NRXN3: variants seen among roughly 807,000 people sequenced by gnomAD.
NRXN3 encodes the protein neurexin 3.
NRXN3 carries 32 observed loss-of-function variants against 137.6 expected under a neutral mutation model. That is an observed-to-expected ratio of 0.23 (90% confidence interval 0.18 to 0.31). The LOEUF (loss-of-function observed/expected upper bound fraction) is 0.31. NRXN3 is among the 10% of genes least tolerant of loss of function. The pLI is 1.00. For synonymous variants in NRXN3, 798 were observed against 784.5 expected (o/e 1.02, Z -0.29); for missense variants, 1,574 against 2,062.5 (o/e 0.76, Z 4.59).
At chr14:78,442,384 A>C (rs1035597253) in intron 4 of NRXN3, among the ~76,000 whole-genome samples, 1 of 152,208 alleles carries the variant, frequency 6.6e-6, no homozygotes, top group Non-Finnish European at 1.5e-5. Context: ...CCACAGGCCA[A>C]GGAATTCTGG....
At chr14:79,084,430 G>T (rs1347868092) in intron 15 of NRXN3, among the ~76,000 whole-genome samples, 1 of 152,078 alleles carries the variant, frequency 6.6e-6, no homozygotes, top group East Asian at 1.9e-4. Context: ...TCTAACAAAA[G>T]GGATATTATT....
At chr14:79,678,761 A>G (rs937923522) in intron 17 of NRXN3, among the ~76,000 whole-genome samples, 1 of 152,178 alleles carries the variant, frequency 6.6e-6, no homozygotes, top group Non-Finnish European at 1.5e-5. Context: ...CAGCAATGGT[A>G]CATCAATAGA....
chr14:78,977,247 A>G (rs1034052141), intron 14 of NRXN3, among the ~76,000 whole-genome samples: 1 of 152,198 alleles, frequency 6.6e-6, no homozygotes, highest in Non-Finnish European at 1.5e-5. Flanking sequence ...ACCAGAGAGT[A>G]TCTGAGAGTG....
chr14:79,068,106 A>G (rs947097107), intron 15 of NRXN3, among the ~76,000 whole-genome samples: 2 of 152,026 alleles, frequency 1.3e-5, no homozygotes, highest in African/African-American at 4.8e-5. Flanking sequence ...ATATCTGTGG[A>G]TATCTGGAAG....
At chr14:79,471,775 C>T (rs79064989) in intron 16 of NRXN3, among the ~76,000 whole-genome samples, 4,579 of 152,142 alleles carry the variant, frequency 0.03, 226 homozygotes, top group African/African-American at 0.1. Flanking sequence ...GATTGAGTAA[C>T]TGGGGCAAAT....
intron 15 of NRXN3, among the ~76,000 whole-genome samples, chr14:79,187,556 A>T (rs17094100): frequency 0.036 from 5,433 of 152,320 alleles, 236 homozygotes; most frequent in East Asian, 0.21. Context: ...AAGGTAATAT[A>T]ATGCAATTTC....
chr14:78,370,120 G>A (rs2086588186), intron 4 of NRXN3, among the ~76,000 whole-genome samples: 1 of 152,016 alleles, frequency 6.6e-6, no homozygotes, highest in Non-Finnish European at 1.5e-5. Context: ...ACAATGCCAA[G>A]GCTGAGATCA....
chr14:78,586,221 C>G (rs1012668424), intron 4 of NRXN3, among the ~76,000 whole-genome samples: 1 of 152,150 alleles, frequency 6.6e-6, no homozygotes, highest in Non-Finnish European at 1.5e-5. Context: ...TACCATCTGG[C>G]TGTTTAGAGA....
In NRXN3 at chr14:79,688,955, T is replaced by A. The variant is rs1004849791; in HGVS notation, c.3617-3218T>A. ...TTTTTTTCTAAAACCCAGTCCCATA[T>A]AGGTGTCGGATCCACAGAAGTAATT... is the stretch of plus-strand genomic sequence containing the variant. On this transcript the variant is annotated intron_variant, in intron 17 of 20. Transcript: ENST00000335750. Among the ~76,000 whole-genome samples the A allele has an allele frequency of 2.0e-5, 3 of 152,144 alleles. No homozygotes were observed. The South Asian group carries it at 6.2e-4, about 32-fold the overall frequency.
intron 6 of NRXN3, among the ~76,000 whole-genome samples, chr14:78,672,639 A>G (rs913839301): frequency 6.6e-6 from 1 of 152,214 alleles, no homozygotes; most frequent in African/African-American, 2.4e-5. Flanking sequence ...ATTAATGGGA[A>G]TTGGTCACGC....
intron 15 of NRXN3, among the ~76,000 whole-genome samples, chr14:79,113,750 C>T (rs1313365015): frequency 6.6e-6 from 1 of 152,158 alleles, no homozygotes. Context: ...CTTTGACTTC[C>T]ATGCAACTTT....
intron 8 of NRXN3, among the ~76,000 whole-genome samples, chr14:78,726,849 G>T (rs184365011): frequency 1.3e-5 from 2 of 150,834 alleles, no homozygotes; most frequent in African/African-American, 2.4e-5. Context: ...TGTATAATAC[G>T]GTGGCATAAA....
rs1316535676 is a variant in NRXN3, at chr14:78,479,570, T to G, written c.758-165550T>G. 4.6e-5 allele frequency among the ~76,000 whole-genome samples: 7 copies of G among 152,358 alleles called. No homozygotes were observed. In the East Asian group the frequency reaches 1.2e-3, roughly 25 times the overall value. Reference sequence around the variant, plus strand: ...TGTCCCCAGAACATACTTATTAAAATGCAGATTCTGGGCACCTCCCTAAAC... The same window carrying G: ...TGTCCCCAGAACATACTTATTAAAAGGCAGATTCTGGGCACCTCCCTAAAC... On this transcript the variant is annotated intron_variant, in intron 4 of 20. Transcript: ENST00000335750.
chr14:79,339,964 A>G (rs2153358471), intron 15 of NRXN3, among the ~76,000 whole-genome samples: 1 of 152,274 alleles, frequency 6.6e-6, no homozygotes, highest in Non-Finnish European at 1.5e-5. Context: ...AACCATTAGA[A>G]ACAGCTGTTT....
At chr14:78,493,854 C>T (rs1461204769) in intron 4 of NRXN3, among the ~76,000 whole-genome samples, 1 of 152,130 alleles carries the variant, frequency 6.6e-6, no homozygotes, top group Admixed American at 6.5e-5. Context: ...AAAACAAAAC[C>T]TACTTAAGGT....
At chr14:78,369,285 C>CAAAA (rs773266627) in intron 4 of NRXN3, among the ~76,000 whole-genome samples, 1 of 132,370 alleles carries the variant, frequency 7.6e-6, no homozygotes, top group Non-Finnish European at 1.7e-5. Flanking sequence ...AAGGTTTTTG[C>CAAAA]AAAAAAAAAA....
intron 3 of NRXN3, among the ~76,000 whole-genome samples, 181 bp downstream of exon 3, chr14:78,278,843 T>C (rs2073992055): frequency 6.6e-6 from 1 of 152,258 alleles, no homozygotes; most frequent in African/African-American, 2.4e-5. Context: ...TGAAGAACCA[T>C]TTTAAAGCCA....
At chr14:79,613,925 G>C (rs1319040384) in intron 16 of NRXN3, among the ~76,000 whole-genome samples, 1 of 152,226 alleles carries the variant, frequency 6.6e-6, no homozygotes, top group South Asian at 2.1e-4. Context: ...ATTCGACTTA[G>C]TCGAAATCAC....
At position 78,307,239 on chromosome 14, in the gene NRXN3, C is replaced by G. The variant is rs148483800; in HGVS notation, c.757+9379C>G. Among the ~76,000 whole-genome samples, 120 of 151,800 alleles carry G rather than the reference C, an allele frequency of 7.9e-4. No individual in the cohort carries two copies. In the Middle Eastern group the frequency reaches 0.014, roughly 17 times the overall value. On this transcript the variant is annotated intron_variant, in intron 4 of 20. Coordinates refer to ENST00000335750, the MANE Select transcript of NRXN3 (RefSeq NM_001330195.2). ...TAACCTGTATATACCCACATAAATA[C>G]CATCCAAATCAAGAAATAGAATATG...
Sources: gnomAD v4.1 joint callset for allele counts (sites outside exome capture counted in the v4.1 genomes callset) on GRCh38, gnomAD v4.1.1 for gene constraint, MANE v1.5 for transcripts, NCBI Gene and HGNC (gene_info 2026-07-23, HGNC 2026-07-21) for gene names.